DOCK4: variants seen among roughly 807,000 people sequenced by gnomAD.
The protein encoded by DOCK4 is dedicator of cytokinesis protein 4.
A neutral mutation model predicts 268.1 loss-of-function variants in DOCK4; 97 were observed. That is an observed-to-expected ratio of 0.36 (90% CI 0.31 to 0.43). The LOEUF (loss-of-function observed/expected upper bound fraction) is 0.43. Among genes scored for constraint, DOCK4 ranks in the 20% least tolerant of loss-of-function variants. The probability of loss-of-function intolerance (pLI) is 1.00; values close to 1 mark genes in which losing one functional copy is unlikely to be tolerated. For synonymous variants in DOCK4, 954 were observed against 887.2 expected (o/e 1.08, Z -1.34); for missense variants, 2,145 against 2,455.7 (o/e 0.87, Z 2.67).
At chr7:112,027,378 C>G (rs1045628131) in intron 1 of DOCK4, among the ~76,000 whole-genome samples, 18 of 152,114 alleles carry the variant, frequency 1.2e-4, no homozygotes, top group African/African-American at 3.9e-4. Flanking sequence ...GTGTGCACCA[C>G]CACACCCGGT....
chr7:112,114,848 T>C (rs946745875), intron 1 of DOCK4, among the ~76,000 whole-genome samples: 3 of 152,324 alleles, frequency 2.0e-5, no homozygotes, highest in South Asian at 2.1e-4. Context: ...TTTTGCACCA[T>C]TGACACAAAC....
At chr7:111,918,108 AAGGCTTT>A (rs1227762247) in intron 12 of DOCK4, among the ~76,000 whole-genome samples, 1 of 152,200 alleles carries the variant, frequency 6.6e-6, no homozygotes, top group Non-Finnish European at 1.5e-5. Flanking sequence ...GAAAAAAGAA[AAGGCTTT>A]AGGCTCAGAG....
At chr7:111,824,969 T>C (rs1460681240) in intron 26 of DOCK4, among the ~76,000 whole-genome samples, 2 of 152,122 alleles carry the variant, frequency 1.3e-5, no homozygotes, top group Admixed American at 6.5e-5. Flanking sequence ...AGAAACCTTA[T>C]AAGAAAAATA....
At chr7:111,824,694 T>C (rs549963522) in intron 26 of DOCK4, among the ~76,000 whole-genome samples, 1 of 152,126 alleles carries the variant, frequency 6.6e-6, no homozygotes. Flanking sequence ...CAACTTGAGT[T>C]TTCTTTTGTA....
intron 42 of DOCK4, among the ~76,000 whole-genome samples, chr7:111,747,757 GTT>G (rs11290053): frequency 5.9e-5 from 9 of 151,414 alleles, no homozygotes; most frequent in Admixed American, 1.3e-4. Context: ...TTTAAAACTA[GTT>G]TTTTTTTTCT....
At chr7:111,779,238 T>C (rs2133738110) in intron 35 of DOCK4, among the ~76,000 whole-genome samples, 2 of 152,260 alleles carry the variant, frequency 1.3e-5, no homozygotes, top group East Asian at 3.9e-4. Flanking sequence ...CCAGTTTATG[T>C]CCAAAACATA....
intron 10 of DOCK4, among the ~76,000 whole-genome samples, chr7:111,940,920 G>A (rs1344155728): frequency 6.6e-6 from 1 of 152,198 alleles, no homozygotes; most frequent in Admixed American, 6.5e-5. Context: ...ACAAGTTAAT[G>A]TGGGAAAAAA....
chr7:111,883,796 T>A (rs1807614791), intron 16 of DOCK4, among the ~76,000 whole-genome samples: 1 of 152,186 alleles, frequency 6.6e-6, no homozygotes, highest in Admixed American at 6.5e-5. Flanking sequence ...GACCTCAGCA[T>A]CTGAGTCTGT....
At chr7:111,927,962 C>T (rs1289256002) in intron 12 of DOCK4, among the ~76,000 whole-genome samples, 1 of 152,146 alleles carries the variant, frequency 6.6e-6, no homozygotes, top group African/African-American at 2.4e-5. Flanking sequence ...ATAAACAGGC[C>T]TTCCTAAGTT....
At chr7:112,145,020 C>T (rs1815323877) in intron 1 of DOCK4, among the ~76,000 whole-genome samples, 1 of 152,084 alleles carries the variant, frequency 6.6e-6, no homozygotes, top group African/African-American at 2.4e-5. Flanking sequence ...TTTTCCGGTG[C>T]TTCTGTAAGA....
chr7:111,789,697 C>A (rs1799401985), intron 31 of DOCK4, among the ~76,000 whole-genome samples: 1 of 152,168 alleles, frequency 6.6e-6, no homozygotes. Flanking sequence ...GGTTCCATGT[C>A]TGCAGTCAGA....
At chr7:112,071,028 C>T (rs1807535852) in intron 1 of DOCK4, among the ~76,000 whole-genome samples, 1 of 152,208 alleles carries the variant, frequency 6.6e-6, no homozygotes, top group Admixed American at 6.5e-5. Flanking sequence ...CAGGCAAATG[C>T]TGTAAGTAAA....
chr7:111,770,169 G>A (rs1798032776), intron 36 of DOCK4, among the ~76,000 whole-genome samples: 1 of 150,842 alleles, frequency 6.6e-6, no homozygotes, highest in African/African-American at 2.4e-5. Flanking sequence ...GGGGTTCAGA[G>A]TGGAGGCAGA....
At chr7:111,868,997 C>G (rs1806204904) in intron 21 of DOCK4, among the ~76,000 whole-genome samples, 1 of 152,104 alleles carries the variant, frequency 6.6e-6, no homozygotes. Flanking sequence ...AATCAGAAGA[C>G]TACCAGGGCT....
chr7:111,748,291 A>G (rs1796409104), intron 42 of DOCK4, among the ~76,000 whole-genome samples: 1 of 152,164 alleles, frequency 6.6e-6, no homozygotes, highest in South Asian at 2.1e-4. Flanking sequence ...ATCCTAGAAT[A>G]TGAAGACTGA....
chr7:111,913,049 C>T (rs187612342), intron 13 of DOCK4, among the ~76,000 whole-genome samples: 5 of 151,714 alleles, frequency 3.3e-5, no homozygotes, highest in East Asian at 3.9e-4. Context: ...CTGCAACCTC[C>T]GCCTCCCGGG....
intron 1 of DOCK4, among the ~76,000 whole-genome samples, chr7:112,202,704 C>T (rs941935873): frequency 2.0e-5 from 3 of 150,986 alleles, no homozygotes; most frequent in East Asian, 1.9e-4. Flanking sequence ...ACTATGATGG[C>T]GCCTATGAAT....
rs778703299 is a variant in DOCK4, at chr7:111,863,521, A to G, written c.2324T>C (p.Leu775Ser). The G allele has an allele frequency of 1.2e-6, 2 of 1,613,728 alleles. No homozygotes were observed. Among genetic ancestry groups the G allele is most frequent in the South Asian group, 2.2e-5 (2 of 91,016 alleles). Residue 775 changes from leucine to serine, a missense_variant, in exon 23 of 53, where the codon TTG (leucine) becomes TCG (serine). Around this residue, in one of 2 missense-constraint regions of DOCK4, gnomAD observed 1,598 missense variants for 1,986.7 expected, o/e 0.80. Transcript: ENST00000428084. ...TACTTCCCGGACATCAAAGAGCTTC[A>G]ACAGTTCTGAGTACACGGCAGGGAA... ...SSFPAVYSELLKLFDVREVAN... is the reference protein window; with the variant it reads ...SSFPAVYSELSKLFDVREVAN...
intron 27 of DOCK4, among the ~76,000 whole-genome samples, chr7:111,814,437 C>A (rs961253800): frequency 2.0e-5 from 3 of 152,120 alleles, no homozygotes; most frequent in Admixed American, 6.5e-5. Context: ...ATTGTCAAAG[C>A]TCCCAAGTGA....
Sources: allele counts gnomAD v4.1 joint callset (sites outside exome capture counted in the v4.1 genomes callset), GRCh38; gene constraint gnomAD v4.1.1; regional missense constraint gnomAD v4.1.1; transcripts MANE v1.5; gene names NCBI Gene and HGNC (gene_info 2026-07-23, HGNC 2026-07-21).